The following DSG3 variants were observed in gnomAD, a reference collection of about 807,000 sequenced individuals.
DSG3 encodes the protein desmoglein 3.
DSG3 carries 63 observed loss-of-function variants against 85.9 expected under a neutral mutation model. That is an observed-to-expected ratio of 0.73 (90% CI 0.60 to 0.90). DSG3 has a LOEUF of 0.90. Among genes scored for constraint, DSG3 ranks in the 40% least tolerant of loss-of-function variants. DSG3 has a pLI of 0.00. For missense variants in DSG3, 1,220 were observed against 1,219.9 expected, an observed-to-expected ratio of 1.00 and a Z score of 0.00; for synonymous variants, 447 against 441.9, an observed-to-expected ratio of 1.01 and a Z score of -0.14.
At chr18:31,469,387 G>A in intron 12 of DSG3, 38 bp downstream of exon 12, 1 of 1,606,644 alleles carries the variant, frequency 6.2e-7, no homozygotes, top group Non-Finnish European at 8.5e-7. Context: ...TGGACCAGGT[G>A]TCCTCATTTG....
Position 31,476,361 on chromosome 18 carries a change from C to A in DSG3, c.*101C>A. On this transcript the variant is annotated 3_prime_UTR_variant, in exon 16 of 16. Transcript: ENST00000257189. ...TCACTGTATTGGGCTAATAATTTGG[C>A]ACTTATTAGCTTCTCTCATAAACTG... is the stretch of plus-strand genomic sequence containing the variant. 7.3e-7 allele frequency: 1 copy of A among 1,366,568 alleles called. No homozygotes were observed. The highest frequency in any genetic ancestry group is 9.9e-7 in the Non-Finnish European group (1 of 1,006,608). The allele number at this position is 1,366,568 out of a possible 1,614,324, so 84.7% of individuals were successfully genotyped here.
chr18:31,460,978 T>C lies in DSG3; in HGVS notation c.813+17T>C. 3 of 1,568,322 alleles carry C rather than the reference T, an allele frequency of 1.9e-6. No individual in the cohort carries two copies. The highest frequency in any genetic ancestry group is 2.6e-6 in the Non-Finnish European group (3 of 1,166,660). ...GACTCTCAGGTACACCCATTGCTCC[T>C]TAAAGAATCATTTAGATATATATTT... is the stretch of plus-strand genomic sequence containing the variant. On this transcript the variant is annotated intron_variant, in intron 7 of 15. Coordinates refer to ENST00000257189, the MANE Select transcript of DSG3 (RefSeq NM_001944.3).
intron 5 of DSG3, among the ~76,000 whole-genome samples, 175 bp from the exon 6 acceptor site, chr18:31,459,670 A>G (rs1469974597): frequency 6.6e-6 from 1 of 152,220 alleles, no homozygotes; most frequent in African/African-American, 2.4e-5. Context: ...GCACAGTTCT[A>G]CCTGGTTGGG....
At chr18:31,461,197 G>C in intron 7 of DSG3, 30 bp from the exon 8 acceptor site, 4 of 1,570,830 alleles carry the variant, frequency 2.5e-6, no homozygotes, top group Non-Finnish European at 3.5e-6. Context: ...CCTGTCATTA[G>C]GTCTTTAATT....
chr18:31,461,801 C>T (rs536337463), intron 8 of DSG3, among the ~76,000 whole-genome samples: 7 of 152,304 alleles, frequency 4.6e-5, no homozygotes, highest in African/African-American at 1.7e-4. Flanking sequence ...GATGGAATCA[C>T]GTCTTGCCCA....
chr18:31,465,567 G>T (rs771314662), intron 10 of DSG3, 110 bp downstream of exon 10: 81 of 1,064,590 alleles, frequency 7.6e-5, no homozygotes, highest in Non-Finnish European at 8.9e-5. Context: ...TGGAGAGAGA[G>T]AATTATCTTA....
intron 1 of DSG3, among the ~76,000 whole-genome samples, chr18:31,450,551 T>G (rs1447009741): frequency 1.3e-5 from 2 of 152,150 alleles, no homozygotes; most frequent in Non-Finnish European, 2.9e-5. Context: ...TGTTGCAGGG[T>G]GGGTTCTGAA....
intron 5 of DSG3, among the ~76,000 whole-genome samples, chr18:31,459,558 G>T (rs573687390): frequency 6.6e-6 from 1 of 152,230 alleles, no homozygotes; most frequent in African/African-American, 2.4e-5. Flanking sequence ...GGAAAGGGGA[G>T]AATTATGACA....
intron 1 of DSG3, among the ~76,000 whole-genome samples, chr18:31,449,789 A>G (rs899676291): frequency 4.6e-5 from 7 of 152,152 alleles, no homozygotes; most frequent in African/African-American, 1.2e-4. Context: ...TTCATACATA[A>G]TTGTTCAACT....
chr18:31,477,240 C>T lies in DSG3; in HGVS notation c.*980C>T, dbSNP rs904827279. ...AATAATATTTTGTGTGTTTTAATCC[C>T]TTTGAAGGGATCTATCCAAAGAAAA... On this transcript the variant is annotated 3_prime_UTR_variant, in exon 16 of 16. Transcript: ENST00000257189. 1.3e-5 allele frequency: 2 copies of T among 152,088 alleles called. No homozygotes were observed. Among genetic ancestry groups the T allele is most frequent in the African/African-American group, 2.4e-5 (1 of 41,400 alleles). 9.4% of individuals were successfully genotyped at this position (152,088 alleles called of 1,614,324 possible). A position where few individuals can be genotyped will look rare whatever the true frequency, so the allele number is the denominator to read the frequency against.
Position 31,469,316 on chromosome 18 carries a change from G to A in DSG3, c.1864G>A (p.Gly622Ser), listed in dbSNP as rs754443749. ...AGGGAGGCTGGGGCCTGCCGCCATC[G>A]GCCTGCTGCTCCTTGGTCTCCTGCT... is the stretch of plus-strand genomic sequence containing the variant. ...HSGRLGPAAI[G>S]LLLLGLLLLL... is the part of the protein sequence containing the mutation. The change falls in exon 12 of 16, where the codon GGC becomes AGC. Residue 622 changes from glycine to serine, a missense_variant. Gly to Ser is a moderately conservative substitution (Grantham distance 56, BLOSUM62 0). Transcript: ENST00000257189. The A allele has an allele frequency of 9.9e-6, 16 of 1,613,458 alleles. No homozygotes were observed. Among genetic ancestry groups the A allele is most frequent in the South Asian group, 4.4e-5 (4 of 91,040 alleles).
At chr18:31,454,144 C>T (rs2072727724) in intron 1 of DSG3, among the ~76,000 whole-genome samples, 1 of 152,074 alleles carries the variant, frequency 6.6e-6, no homozygotes, top group Non-Finnish European at 1.5e-5. Flanking sequence ...CCTGGGAAAA[C>T]AAATATTCTA....
In DSG3 at chr18:31,475,789, C is replaced by A. The variant is rs527961475; in HGVS notation, c.2529C>A (p.Asp843Glu). 1.2e-6 allele frequency: 2 copies of A among 1,614,184 alleles called. No individual in the cohort carries two copies. Among genetic ancestry groups the A allele is most frequent in the African/African-American group, 1.3e-5 (1 of 75,036 alleles). Residue 843 changes from aspartate (D) to glutamate (E), a missense_variant, in exon 16 of 16, where the codon GAC becomes GAA. Coordinates refer to ENST00000257189, the MANE Select transcript of DSG3 (RefSeq NM_001944.3). The stretch of plus-strand genomic sequence containing the variant: ...GTTTTATTGCTGATGACCTGGATGA[C>A]AGCTTCTTGGACTCACTTGGACCCA... The part of the protein sequence containing the change: ...CCSFIADDLD[D>E]SFLDSLGPKF...
intron 3 of DSG3, among the ~76,000 whole-genome samples, chr18:31,457,789 G>A (rs753284314): frequency 4.0e-5 from 6 of 151,664 alleles, no homozygotes; most frequent in African/African-American, 1.2e-4. Context: ...CACCATGCCC[G>A]GCTAATTGTT....
Position 31,476,040 on chromosome 18 carries a change from A to T in DSG3, c.2780A>T (p.Gln927Leu). The T allele has an allele frequency of 6.2e-7, 1 of 1,614,190 alleles. No individual in the cohort carries two copies. The highest frequency in any genetic ancestry group is 1.1e-5 in the South Asian group (1 of 91,080). ...GCTGTTTCCATCCCTGACCCTCTGC[A>T]GCATGGTAACTATTTAGTAACGGAG... ...QPAVSIPDPL[Q>L]HGNYLVTETY... The change falls in exon 16 of 16, where the codon CAG becomes CTG. Residue 927 changes from glutamine to leucine, a missense_variant. Physicochemically the swap from Gln to Leu is moderately radical, Grantham distance 113 (BLOSUM62 -2). Transcript: ENST00000257189.
In DSG3 at chr18:31,447,754, T is replaced by A; in HGVS notation, c.-124T>A. On this transcript the variant is annotated 5_prime_UTR_variant, in exon 1 of 16. Transcript: ENST00000257189. ...GGGAGGGACCGCATAACAGACCATC[T>A]GTAGACTCCTTCGGAAAGCAGCAGA... 2 of 698,514 alleles carry A rather than the reference T, an allele frequency of 2.9e-6. No individual in the cohort carries two copies. 43.3% of individuals were successfully genotyped at this position (698,514 alleles called of 1,614,324 possible). A position where few individuals can be genotyped will look rare whatever the true frequency, so the allele number is the denominator to read the frequency against.
Position 31,461,420 on chromosome 18 carries a change from C to A in DSG3, c.999+8C>A. The A allele has an allele frequency of 6.3e-7, 1 of 1,599,360 alleles. No homozygotes were observed. The highest frequency in any genetic ancestry group is 2.2e-5 in the East Asian group (1 of 44,750). On this transcript the variant is annotated splice_region_variant and intron_variant, in intron 8 of 15. Transcript: ENST00000257189. Reference sequence around the variant, plus strand: ...ATCCTGAAAGTGGTGAAGGTAAGGTCTGACTTCCCTTCATTGGTAAAAAAA... The same window carrying A: ...ATCCTGAAAGTGGTGAAGGTAAGGTATGACTTCCCTTCATTGGTAAAAAAA...
chr18:31,469,941 G>C (rs887918554), intron 12 of DSG3, among the ~76,000 whole-genome samples: 4 of 152,016 alleles, frequency 2.6e-5, no homozygotes, highest in Admixed American at 6.5e-5. Flanking sequence ...CCTCAAAATA[G>C]ATTGCCATCT....
rs536915992 is a variant in DSG3 at position 31,477,526 on chromosome 18, T to C, written c.*1266T>C. On this transcript the variant is annotated 3_prime_UTR_variant, in exon 16 of 16. Transcript: ENST00000257189. ...ATAAGCAGCATTCCAGAAAAGTAGT[T>C]GGTGAAATAATTTTCAAGTCAAAAA... The C allele has an allele frequency of 6.6e-6, 1 of 152,306 alleles. No individual in the cohort carries two copies. The highest frequency in any genetic ancestry group is 2.1e-4 in the South Asian group (1 of 4,826). The allele number at this position is 152,306 out of a possible 1,614,324, so 9.4% of individuals were successfully genotyped here. A position where few individuals can be genotyped will look rare whatever the true frequency, so the allele number is the denominator to read the frequency against.
Sources: allele counts gnomAD v4.1 joint callset (sites outside exome capture counted in the v4.1 genomes callset), GRCh38; gene constraint gnomAD v4.1.1; transcripts MANE v1.5; gene names NCBI Gene and HGNC (gene_info 2026-07-23, HGNC 2026-07-21).